The following FAM229B variants were observed in gnomAD, a reference collection of about 807,000 sequenced individuals.
FAM229B encodes family with sequence similarity 229 member B.
FAM229B carries 2 observed loss-of-function variants against 6.7 expected under a neutral mutation model. The observed-to-expected ratio is 0.30, with a 90% CI of 0.12 to 0.94. The LOEUF (loss-of-function observed/expected upper bound fraction) is 0.94. Among genes scored for constraint, FAM229B ranks in the 40% least tolerant of loss-of-function variants. The pLI is 0.54. For synonymous variants in FAM229B, 29 were observed against 34.0 expected (o/e 0.85, Z 0.51); for missense variants, 93 against 96.2 (o/e 0.97, Z 0.14).
chr6:112,098,708 T>A (rs1222384097), intron 2 of FAM229B, among the ~76,000 whole-genome samples: 1 of 152,216 alleles, frequency 6.6e-6, no homozygotes, highest in African/African-American at 2.4e-5. Context: ...AATGTGAAAC[T>A]GTGCTCCAAA....
intron 2 of FAM229B, among the ~76,000 whole-genome samples, chr6:112,098,645 G>A (rs1407601573): frequency 1.3e-5 from 2 of 152,154 alleles, no homozygotes; most frequent in Non-Finnish European, 2.9e-5. Flanking sequence ...GAGAAGCAGT[G>A]GGGAAATGAA....
chr6:112,090,771 G>T (rs1452215130), intron 1 of FAM229B, among the ~76,000 whole-genome samples: 1 of 151,992 alleles, frequency 6.6e-6, no homozygotes, highest in African/African-American at 2.4e-5. Flanking sequence ...GGGTACAGTT[G>T]ATTTTTTGAT....
At position 112,102,778 on chromosome 6, in the gene FAM229B, A is replaced by G. The variant is rs1258494966; in HGVS notation, c.*1991A>G. 6.6e-6 allele frequency: 1 copy of G among 152,192 alleles called. No homozygotes were observed. Among genetic ancestry groups the G allele is most frequent in the Non-Finnish European group, 1.5e-5 (1 of 68,020 alleles). 9.4% of individuals were successfully genotyped at this position (152,192 alleles called of 1,614,324 possible). On this transcript the variant is annotated 3_prime_UTR_variant, in exon 4 of 4. Coordinates refer to ENST00000368656, the MANE Select transcript of FAM229B (RefSeq NM_001033564.3). ...ACCCATCAAAATAAAAATAAAAACTACAATAAAATCCAGCACCAAAAGTGT... is the reference window on the plus strand; with the variant it reads ...ACCCATCAAAATAAAAATAAAAACTGCAATAAAATCCAGCACCAAAAGTGT...
intron 1 of FAM229B, among the ~76,000 whole-genome samples, chr6:112,090,979 C>G (rs1353079195): frequency 2.0e-5 from 3 of 151,892 alleles, no homozygotes; most frequent in Non-Finnish European, 4.4e-5. Flanking sequence ...TTATTGTATC[C>G]GTTGGACATC....
chr6:112,088,840 C>T (rs1777216490), intron 1 of FAM229B, among the ~76,000 whole-genome samples: 1 of 152,194 alleles, frequency 6.6e-6, no homozygotes, highest in African/African-American at 2.4e-5. Context: ...AGTGTGTTAT[C>T]AGTGCTAGGT....
At position 112,099,424 on chromosome 6, in the gene FAM229B, C is replaced by T. The variant is rs200176652; in HGVS notation, c.125+16C>T. 52 of 1,608,504 alleles carry T rather than the reference C, an allele frequency of 3.2e-5. 1 individual carries two copies. The East Asian group carries it at 9.6e-4, about 30-fold the overall frequency. ...CACCAACCAGGTAAAGTCTTCTGTC[C>T]TCACAAGTGAGGAGATATGTATTGG... On this transcript the variant is annotated intron_variant, in intron 3 of 3. Transcript: ENST00000368656.
intron 1 of FAM229B, among the ~76,000 whole-genome samples, chr6:112,091,278 A>G (rs1262344882): frequency 6.6e-6 from 1 of 152,144 alleles, no homozygotes; most frequent in Non-Finnish European, 1.5e-5. Context: ...GCAAAAACAA[A>G]GCTCTGAAAA....
At chr6:112,094,539 C>T (rs1442615521) in intron 1 of FAM229B, among the ~76,000 whole-genome samples, 4 of 152,010 alleles carry the variant, frequency 2.6e-5, no homozygotes, top group Admixed American at 2.6e-4. Context: ...CTAATTAATG[C>T]CCCCCATCTC....
chr6:112,101,220 T>A lies in FAM229B; in HGVS notation c.*433T>A, dbSNP rs1334172723. ...AGCCAGTTTCCTGGCTTGATACTATTTGATAATGCTCTGCTCAGGAATGAT... is the reference window on the plus strand; with the variant it reads ...AGCCAGTTTCCTGGCTTGATACTATATGATAATGCTCTGCTCAGGAATGAT... On this transcript the variant is annotated 3_prime_UTR_variant, in exon 4 of 4. Transcript: ENST00000368656. The A allele has an allele frequency of 6.4e-6, 1 of 156,976 alleles. No homozygotes were observed. Among genetic ancestry groups the A allele is most frequent in the African/African-American group, 2.4e-5 (1 of 41,468 alleles). 9.7% of individuals were successfully genotyped at this position (156,976 alleles called of 1,614,324 possible).
Position 112,097,085 on chromosome 6 carries a change from C to T in FAM229B, c.-131C>T, listed in dbSNP as rs912882757. 1.3e-5 allele frequency: 2 copies of T among 152,140 alleles called. No individual in the cohort carries two copies. The highest frequency in any genetic ancestry group is 2.9e-5 in the Non-Finnish European group (2 of 68,026). 9.4% of individuals were successfully genotyped at this position (152,140 alleles called of 1,614,324 possible). ...AAGAATCTCCTGATGTCATAATTTC[C>T]GGGTGTCACCGGAACATTTGATCAT... is the stretch of plus-strand genomic sequence containing the variant. On this transcript the variant is annotated 5_prime_UTR_variant, in exon 2 of 4. Coordinates refer to ENST00000368656, the MANE Select transcript of FAM229B (RefSeq NM_001033564.3).
intron 2 of FAM229B, among the ~76,000 whole-genome samples, chr6:112,098,090 A>G (rs1777350784): frequency 6.6e-6 from 1 of 152,312 alleles, no homozygotes; most frequent in South Asian, 2.1e-4. Context: ...CTCCCTCCCC[A>G]GCTAAGAACT....
At chr6:112,090,619 A>G (rs1406563532) in intron 1 of FAM229B, among the ~76,000 whole-genome samples, 1 of 152,056 alleles carries the variant, frequency 6.6e-6, no homozygotes, top group East Asian at 1.9e-4. Flanking sequence ...TTTTTTGTAC[A>G]TGATACATGT....
chr6:112,091,947 A>G (rs1187570329), intron 1 of FAM229B, among the ~76,000 whole-genome samples: 2 of 152,122 alleles, frequency 1.3e-5, no homozygotes, highest in Non-Finnish European at 2.9e-5. Flanking sequence ...TGAAAAATGG[A>G]TGGAATAAAG....
At position 112,100,443 on chromosome 6, in the gene FAM229B, TA is replaced by T. The variant is rs140876440; in HGVS notation, c.126-226del. ...ACATCCGGAGGATTATCTTTGAATA[TA>T]TGAATTTCCTGTGATTAAATATGTA... On this transcript the variant is annotated intron_variant, in intron 3 of 3. Transcript: ENST00000368656. 1.8e-3 allele frequency among the ~76,000 whole-genome samples: 275 copies of T among 152,350 alleles called. 4 individuals are homozygous for T. Among genetic ancestry groups the T allele is most frequent in the African/African-American group, 6.5e-3 (269 of 41,574 alleles).
rs1554319000 is a variant in FAM229B at position 112,099,364 on chromosome 6, G to A, written c.81G>A (p.Leu27=). 1.2e-6 allele frequency: 2 copies of A among 1,613,812 alleles called. No homozygotes were observed. Residue 27 remains leucine (L), a synonymous_variant, in exon 3 of 4, where the codon CTG becomes CTA. Transcript: ENST00000368656. ...GDSSIELEPG[L]SSSAACNGKE... ...CTTCAATTGAGCTGGAACCTGGGCT[G>A]AGCTCCAGTGCTGCCTGTAATGGGA...
rs1271594665 is a variant in FAM229B at position 112,087,662 on chromosome 6, T to C, written c.-234T>C. 1.9e-5 allele frequency: 10 copies of C among 514,306 alleles called. No individual in the cohort carries two copies. In the Admixed American group the frequency reaches 2.5e-4, roughly 13 times the overall value. The allele number at this position is 514,306 out of a possible 1,614,324, so 31.9% of individuals were successfully genotyped here. On this transcript the variant is annotated 5_prime_UTR_variant, in exon 1 of 4. Coordinates refer to ENST00000368656, the MANE Select transcript of FAM229B (RefSeq NM_001033564.3). ...GACTGGGCTTCTGGACTGTATATCC[T>C]AGCTGCCTTGTCAACATCTTCGAGC...
At chr6:112,095,085 C>T (rs1554318527) in intron 1 of FAM229B, among the ~76,000 whole-genome samples, 1 of 152,114 alleles carries the variant, frequency 6.6e-6, no homozygotes, top group African/African-American at 2.4e-5. Context: ...GAATACCCCA[C>T]TTACAGATAT....
chr6:112,095,681 A>G (rs1554318591), intron 1 of FAM229B, among the ~76,000 whole-genome samples: 1 of 143,584 alleles, frequency 7.0e-6, no homozygotes, highest in East Asian at 1.9e-4. Context: ...AAAAAAAGAA[A>G]AAAAAAAACC....
chr6:112,088,589 T>C (rs926148403), intron 1 of FAM229B, among the ~76,000 whole-genome samples: 7 of 152,198 alleles, frequency 4.6e-5, no homozygotes, highest in Non-Finnish European at 1.0e-4. Context: ...CTATTAAATT[T>C]CTCTGGTAGC....
Sources: allele counts gnomAD v4.1 joint callset (sites outside exome capture counted in the v4.1 genomes callset), GRCh38; gene constraint gnomAD v4.1.1; transcripts MANE v1.5; gene names NCBI Gene and HGNC (gene_info 2026-07-23, HGNC 2026-07-21).